PTPRN2: variants seen among roughly 807,000 people sequenced by gnomAD.
The protein encoded by PTPRN2 is receptor-type tyrosine-protein phosphatase N2.
A neutral mutation model predicts 118.8 loss-of-function variants in PTPRN2; 74 were observed. The observed-to-expected ratio is 0.62, with a 90% CI of 0.52 to 0.76. PTPRN2 has a LOEUF of 0.76. PTPRN2 is among the 30% of genes least tolerant of loss of function. PTPRN2 has a pLI of 0.00. For missense variants in PTPRN2, 1,481 were observed against 1,394.4 expected (o/e 1.06, Z -0.99); for synonymous variants, 641 against 608.0 (o/e 1.05, Z -0.80).
chr7:157,769,752 G>C lies in PTPRN2; in HGVS notation c.1789-86815C>G, dbSNP rs552487128. ...GCTCCCTGTGGCTCAGCGCGTTCCT[G>C]CCTCCCACTCCACCACAGCTCCCTC... On this transcript the variant is annotated intron_variant, in intron 12 of 22. Transcript: ENST00000389418. Among the ~76,000 whole-genome samples the C allele has an allele frequency of 4.6e-5, 7 of 152,248 alleles. No homozygotes were observed. The East Asian group carries it at 1.4e-3, about 29-fold the overall frequency.
chr7:158,571,125 A>AT (rs933740156), intron 1 of PTPRN2, among the ~76,000 whole-genome samples: 1 of 148,148 alleles, frequency 6.8e-6, no homozygotes, highest in African/African-American at 2.6e-5. Flanking sequence ...GGCTTGGAAT[A>AT]TTTTTTGTTT....
At chr7:157,967,857 C>A (rs1802054762) in intron 11 of PTPRN2, among the ~76,000 whole-genome samples, 1 of 152,194 alleles carries the variant, frequency 6.6e-6, no homozygotes, top group African/African-American at 2.4e-5. Flanking sequence ...TGGGCAGCCA[C>A]AAAGCTATGG....
Position 158,355,128 on chromosome 7 carries a change from G to A in PTPRN2, c.164-38196C>T, listed in dbSNP as rs2151275493. On this transcript the variant is annotated intron_variant, in intron 2 of 22. Coordinates refer to ENST00000389418, the MANE Select transcript of PTPRN2 (RefSeq NM_002847.5). Reference sequence around the variant, plus strand: ...TCTTTCCCAGACGAACAAAAGCTGAGAGAATTCATCACCACCAAACCCACC... The same window carrying A: ...TCTTTCCCAGACGAACAAAAGCTGAAAGAATTCATCACCACCAAACCCACC... 2.0e-5 allele frequency among the ~76,000 whole-genome samples: 3 copies of A among 152,186 alleles called. No individual in the cohort carries two copies. In the South Asian group the frequency reaches 6.2e-4, roughly 32 times the overall value.
chr7:157,712,312 C>T (rs1035691852), intron 12 of PTPRN2, among the ~76,000 whole-genome samples: 1 of 152,100 alleles, frequency 6.6e-6, no homozygotes, highest in African/African-American at 2.4e-5. Context: ...AAACTGTGTC[C>T]CCTCAAGAGG....
At chr7:158,381,024 T>C (rs1036027652) in intron 2 of PTPRN2, among the ~76,000 whole-genome samples, 2 of 152,326 alleles carry the variant, frequency 1.3e-5, no homozygotes. Context: ...GCACACAGCA[T>C]GGGGACCCTG....
rs1328250662 is a variant in PTPRN2 at position 157,785,059 on chromosome 7, T to C, written c.1789-102122A>G. ...CTTGTAACGGCTGTTACAGCCGCTGTTTCATCGCGTCGTCATAGGAGTTGA... is the reference window on the plus strand; with the variant it reads ...CTTGTAACGGCTGTTACAGCCGCTGCTTCATCGCGTCGTCATAGGAGTTGA... On this transcript the variant is annotated intron_variant, in intron 12 of 22. Coordinates refer to ENST00000389418, the MANE Select transcript of PTPRN2 (RefSeq NM_002847.5). The surrounding 1 kb of genome is among the most constrained non-coding windows in gnomAD (Gnocchi z 7.3). Among the ~76,000 whole-genome samples, 1 of 151,928 alleles carries C rather than the reference T, an allele frequency of 6.6e-6. No individual in the cohort carries two copies. The highest frequency in any genetic ancestry group is 1.5e-5 in the Non-Finnish European group (1 of 67,960).
chr7:157,615,632 C>A lies in PTPRN2; in HGVS notation c.2344+5730G>T. Reference sequence around the variant, plus strand: ...GAGGATTGGCTCAGCACTGGTCCTGCGGAATGTGTTTTTATCAATGACTTG... The same window carrying A: ...GAGGATTGGCTCAGCACTGGTCCTGAGGAATGTGTTTTTATCAATGACTTG... On this transcript the variant is annotated intron_variant, in intron 15 of 22. Coordinates refer to ENST00000389418, the MANE Select transcript of PTPRN2 (RefSeq NM_002847.5). The surrounding 1 kb of genome is among the most constrained non-coding windows in gnomAD (Gnocchi z 4.3). The A allele has an allele frequency of 4.3e-6, 2 of 469,540 alleles. No homozygotes were observed. Among genetic ancestry groups the A allele is most frequent in the Non-Finnish European group, 8.9e-6 (2 of 225,776 alleles). The allele number at this position is 469,540 out of a possible 1,614,324, so 29.1% of individuals were successfully genotyped here. A position where few individuals can be genotyped will look rare whatever the true frequency, so the allele number is the denominator to read the frequency against.
At chr7:158,149,702 G>A (rs1010668088) in intron 6 of PTPRN2, among the ~76,000 whole-genome samples, 4 of 152,010 alleles carry the variant, frequency 2.6e-5, no homozygotes, top group East Asian at 1.9e-4. Flanking sequence ...TACTCAGGAG[G>A]CTAAGGCAGG....
intron 2 of PTPRN2, among the ~76,000 whole-genome samples, chr7:158,377,885 G>A (rs185929046): frequency 2.5e-4 from 38 of 152,288 alleles, no homozygotes; most frequent in Non-Finnish European, 4.4e-4. Flanking sequence ...CACAGGGCCC[G>A]TGGCTACAAC....
chr7:158,138,048 A>C, intron 7 of PTPRN2, among the ~76,000 whole-genome samples: 1 of 152,358 alleles, frequency 6.6e-6, no homozygotes, highest in African/African-American at 2.4e-5. Flanking sequence ...CAGCCTCAGC[A>C]TGGAGGAGTG....
chr7:157,690,427 C>T lies in PTPRN2; in HGVS notation c.1789-7490G>A, dbSNP rs1180364586. Among the ~76,000 whole-genome samples, 2 of 152,194 alleles carry T rather than the reference C, an allele frequency of 1.3e-5. No homozygotes were observed. Among genetic ancestry groups the T allele is most frequent in the African/African-American group, 4.8e-5 (2 of 41,466 alleles). On this transcript the variant is annotated intron_variant, in intron 12 of 22. Coordinates refer to ENST00000389418, the MANE Select transcript of PTPRN2 (RefSeq NM_002847.5). The surrounding 1 kb of genome is among the most constrained non-coding windows in gnomAD (Gnocchi z 7.1). ...TCTCTTCCTCGCCCCACCACCTACG[C>T]GCCTGGTGATGCTCTCGTGGGCCCT...
At chr7:158,295,146 C>T (rs1449603269) in intron 3 of PTPRN2, among the ~76,000 whole-genome samples, 2 of 144,298 alleles carry the variant, frequency 1.4e-5, no homozygotes, top group Non-Finnish European at 3.0e-5. Flanking sequence ...CACCCGCTGA[C>T]CCTGCCTGTC....
chr7:158,295,172 C>T (rs1416637661), intron 3 of PTPRN2, among the ~76,000 whole-genome samples: 4 of 141,738 alleles, frequency 2.8e-5, no homozygotes, highest in Admixed American at 7.0e-5. Context: ...AGACACTGCA[C>T]CACATCGTGG....
At chr7:157,633,144 C>CT (rs113679613) in intron 14 of PTPRN2, among the ~76,000 whole-genome samples, 12,293 of 142,020 alleles carry the variant, frequency 0.087, 1,049 homozygotes, top group African/African-American at 0.23. Flanking sequence ...CTTTTCTTTT[C>CT]TTTTTTTTTT....
At chr7:158,064,304 G>A (rs760931481) in intron 11 of PTPRN2, among the ~76,000 whole-genome samples, 6 of 152,192 alleles carry the variant, frequency 3.9e-5, no homozygotes, top group Non-Finnish European at 5.9e-5. Flanking sequence ...TGGAGAGCCC[G>A]GGACATGCAC....
At chr7:158,307,937 G>A (rs76647452) in intron 3 of PTPRN2, among the ~76,000 whole-genome samples, 1,815 of 152,266 alleles carry the variant, frequency 0.012, 38 homozygotes, top group African/African-American at 0.041. Context: ...AGCATGCTCA[G>A]CCTCCTCATC....
At chr7:157,636,416 A>AAAC (rs1012537428) in intron 14 of PTPRN2, among the ~76,000 whole-genome samples, 3 of 152,250 alleles carry the variant, frequency 2.0e-5, no homozygotes, top group African/African-American at 7.2e-5. Flanking sequence ...CAGTTAAAAA[A>AAAC]AACAACAACA....
chr7:157,991,353 C>T (rs1286666648), intron 11 of PTPRN2, among the ~76,000 whole-genome samples: 1 of 152,240 alleles, frequency 6.6e-6, no homozygotes, highest in Non-Finnish European at 1.5e-5. Context: ...TTTTCCTAAC[C>T]AGGAACAGAT....
intron 11 of PTPRN2, among the ~76,000 whole-genome samples, chr7:158,001,552 G>A (rs749038): frequency 0.014 from 2,091 of 152,126 alleles, 43 homozygotes; most frequent in African/African-American, 0.048. Flanking sequence ...ACAGCAGGGG[G>A]ACCTGAGGAC....
Sources: gnomAD v4.1 joint callset for allele counts (sites outside exome capture counted in the v4.1 genomes callset) on GRCh38, gnomAD v4.1.1 for gene constraint, Gnocchi (gnomAD v3.1) non-coding constraint, MANE v1.5 for transcripts, NCBI Gene and HGNC (gene_info 2026-07-23, HGNC 2026-07-21) for gene names.